UBR1: variants seen among roughly 807,000 people sequenced by gnomAD.
The protein encoded by UBR1 is E3 ubiquitin-protein ligase UBR1.
Under a neutral mutation model 242.1 loss-of-function variants are expected in UBR1, and 102 were observed. The ratio of observed to expected loss-of-function variants is 0.42; its 90% CI spans 0.36 to 0.50. The LOEUF (loss-of-function observed/expected upper bound fraction) is 0.50, where lower values mean the gene tolerates loss of function less well. Among genes scored for constraint, UBR1 ranks in the 20% least tolerant of loss-of-function variants. The probability of loss-of-function intolerance (pLI) is 0.01; values close to 1 mark genes in which losing one functional copy is unlikely to be tolerated. For synonymous variants in UBR1, 675 were observed against 684.8 expected (o/e 0.99, Z 0.22); for missense variants, 1,772 against 2,101.8 (o/e 0.84, Z 3.07).
At position 43,060,032 on chromosome 15, in the gene UBR1, C is replaced by A; in HGVS notation, c.861+20G>T. The A allele has an allele frequency of 1.9e-6, 3 of 1,612,846 alleles. No homozygotes were observed. Among genetic ancestry groups the A allele is most frequent in the Non-Finnish European group, 2.5e-6 (3 of 1,178,932 alleles). ...CATTCATCTTTAACTTCTCTTTTTCCCCCTAATTCAGAAAGTTACCTTTAT... is the reference window on the plus strand; with the variant it reads ...CATTCATCTTTAACTTCTCTTTTTCACCCTAATTCAGAAAGTTACCTTTAT... On this transcript the variant is annotated intron_variant, in intron 7 of 46. Transcript: ENST00000290650.
rs1446881647 is a variant in UBR1 at position 43,002,728 on chromosome 15, C to A, written c.3510-24G>T. ...ACCTGCAAAATTACAAAGACACAGG[C>A]CCATTCAGAACTACACATGCATCTC... On this transcript the variant is annotated intron_variant, in intron 31 of 46. Transcript: ENST00000290650. 13 of 1,613,666 alleles carry A rather than the reference C, an allele frequency of 8.1e-6. No homozygotes were observed. In the Admixed American group the frequency reaches 1.7e-4, roughly 21 times the overall value.
intron 12 of UBR1, among the ~76,000 whole-genome samples, chr15:43,049,561 A>G (rs1021662902): frequency 2.0e-5 from 3 of 152,200 alleles, no homozygotes; most frequent in African/African-American, 7.2e-5. Flanking sequence ...ACACACAAAA[A>G]AAGAAGTAAT....
intron 33 of UBR1, 101 bp from the exon 34 acceptor site, chr15:42,990,221 G>A: frequency 2.3e-6 from 2 of 870,106 alleles, no homozygotes; most frequent in Non-Finnish European, 3.7e-6. Context: ...GTCTCACTCT[G>A]TCACCCATGC....
chr15:43,021,471 TC>T, intron 26 of UBR1, 96 bp from the exon 27 acceptor site: 1 of 1,054,250 alleles, frequency 9.5e-7, no homozygotes, highest in Non-Finnish European at 1.5e-6. Context: ...GACATCAAAG[TC>T]CACTAATGCT....
At chr15:43,014,477 G>A (rs1230540101) in intron 29 of UBR1, among the ~76,000 whole-genome samples, 1 of 151,760 alleles carries the variant, frequency 6.6e-6, no homozygotes, top group African/African-American at 2.4e-5. Flanking sequence ...AGGAAGTGAG[G>A]AGCGTCTCTG....
At chr15:43,079,790 A>G (rs1277357098) in intron 3 of UBR1, among the ~76,000 whole-genome samples, 1 of 151,666 alleles carries the variant, frequency 6.6e-6, no homozygotes, top group Non-Finnish European at 1.5e-5. Context: ...TCAAAAATAA[A>G]TAAATAAATA....
intron 19 of UBR1, among the ~76,000 whole-genome samples, chr15:43,035,704 T>C (rs2033324359): frequency 6.7e-6 from 1 of 150,040 alleles, no homozygotes; most frequent in Admixed American, 6.7e-5. Flanking sequence ...TCCTTGCCCA[T>C]GCCTATGTCC....
intron 6 of UBR1, among the ~76,000 whole-genome samples, chr15:43,060,883 A>G (rs2033675442): frequency 6.6e-6 from 1 of 152,040 alleles, no homozygotes; most frequent in Non-Finnish European, 1.5e-5. Flanking sequence ...GTACATAAGC[A>G]TAAGAACTAT....
chr15:43,087,745 AT>A (rs528718787), intron 1 of UBR1, among the ~76,000 whole-genome samples: 1 of 151,222 alleles, frequency 6.6e-6, no homozygotes. Flanking sequence ...AAAAGAAAGT[AT>A]TTTTTTTTGC....
intron 1 of UBR1, among the ~76,000 whole-genome samples, chr15:43,089,389 G>A (rs950844766): frequency 3.3e-5 from 5 of 151,966 alleles, no homozygotes; most frequent in African/African-American, 1.2e-4. Context: ...CAGCTACTCG[G>A]GAGGCTGAGG....
intron 44 of UBR1, 122 bp downstream of exon 44, chr15:42,957,891 A>T: frequency 1.1e-6 from 1 of 892,188 alleles, no homozygotes; most frequent in Admixed American, 2.3e-5. Context: ...AAAAACAAAA[A>T]AACCCAAACC....
chr15:43,011,461 G>A lies in UBR1; in HGVS notation c.3210-4177C>T, dbSNP rs1333048269. On this transcript the variant is annotated intron_variant, in intron 29 of 46. Coordinates refer to ENST00000290650, the MANE Select transcript of UBR1 (RefSeq NM_174916.3). ...CAAGAGGAAAGCACCCAATAGAGAT[G>A]GGCAAAGAATAATAATAGGCAATTC... Among the ~76,000 whole-genome samples, 4 of 152,220 alleles carry A rather than the reference G, an allele frequency of 2.6e-5. No individual in the cohort carries two copies. The East Asian group carries it at 7.7e-4, about 29-fold the overall frequency.
At chr15:43,078,314 AAG>A (rs1223615174) in intron 3 of UBR1, among the ~76,000 whole-genome samples, 1 of 152,166 alleles carries the variant, frequency 6.6e-6, no homozygotes, top group African/African-American at 2.4e-5. Context: ...ATGAAGGAAA[AAG>A]GGATATAAGG....
chr15:43,099,350 C>G (rs921273518), intron 1 of UBR1, among the ~76,000 whole-genome samples: 1 of 151,798 alleles, frequency 6.6e-6, no homozygotes, highest in Non-Finnish European at 1.5e-5. Flanking sequence ...AAAAGTTCCC[C>G]TACAGATATG....
At chr15:43,029,918 A>G in intron 21 of UBR1, 26 bp downstream of exon 21, 1 of 1,613,742 alleles carries the variant, frequency 6.2e-7, no homozygotes, top group Non-Finnish European at 8.5e-7. Flanking sequence ...TGAGGTACAT[A>G]GAGATAAAAC....
At chr15:43,079,209 G>A (rs2033945115) in intron 3 of UBR1, among the ~76,000 whole-genome samples, 1 of 152,128 alleles carries the variant, frequency 6.6e-6, no homozygotes, top group Non-Finnish European at 1.5e-5. Flanking sequence ...GCTCATGCCT[G>A]TAATCCTACA....
intron 27 of UBR1, among the ~76,000 whole-genome samples, chr15:43,017,849 C>G (rs2033050635): frequency 6.6e-6 from 1 of 151,694 alleles, no homozygotes; most frequent in Non-Finnish European, 1.5e-5. Flanking sequence ...GTAAAATCCT[C>G]CTCTCCCTGA....
chr15:43,079,730 T>C (rs1245549592), intron 3 of UBR1, among the ~76,000 whole-genome samples: 8 of 151,944 alleles, frequency 5.3e-5, no homozygotes, highest in Admixed American at 3.9e-4. Context: ...TGCAGTGAGC[T>C]GAGATCGTGC....
intron 5 of UBR1, among the ~76,000 whole-genome samples, chr15:43,069,735 A>T (rs906214654): frequency 2.0e-5 from 3 of 152,230 alleles, no homozygotes; most frequent in African/African-American, 7.2e-5. Flanking sequence ...GCCAACAGGC[A>T]ATGAGAGGGC....
Sources: allele counts gnomAD v4.1 joint callset (sites outside exome capture counted in the v4.1 genomes callset), GRCh38; gene constraint gnomAD v4.1.1; transcripts MANE v1.5; gene names NCBI Gene and HGNC (gene_info 2026-07-23, HGNC 2026-07-21).